The following RRP1 variants were observed in gnomAD, a reference collection of about 807,000 sequenced individuals.
RRP1 encodes the protein ribosomal RNA processing 1.
Under a neutral mutation model 54.6 loss-of-function variants are expected in RRP1, and 37 were observed. The ratio of observed to expected loss-of-function variants is 0.68; its 90% CI spans 0.52 to 0.89. The LOEUF (loss-of-function observed/expected upper bound fraction) is 0.89, where lower values mean the gene tolerates loss of function less well. Among genes scored for constraint, RRP1 ranks in the 40% least tolerant of loss-of-function variants. The pLI is 0.00. For missense variants in RRP1, 639 were observed against 612.5 expected (o/e 1.04, Z -0.46); for synonymous variants, 262 against 244.3 (o/e 1.07, Z -0.67).
At chr21:43,793,525 G>T in intron 4 of RRP1, 121 bp downstream of exon 4, 1 of 754,318 alleles carries the variant, frequency 1.3e-6, no homozygotes, top group Non-Finnish European at 2.2e-6. Flanking sequence ...TGAAGCCAGG[G>T]GTGGGAGGTG....
chr21:43,799,154 C>T (rs138547570), intron 8 of RRP1, among the ~76,000 whole-genome samples: 122 of 152,234 alleles, frequency 8.0e-4, no homozygotes, highest in Non-Finnish European at 1.5e-3. Flanking sequence ...AGCACCCAGC[C>T]GAAACATCAG....
At chr21:43,803,378 A>T in intron 12 of RRP1, 134 bp from the exon 13 acceptor site, 2 of 1,234,800 alleles carry the variant, frequency 1.6e-6, no homozygotes, top group Non-Finnish European at 2.2e-6. Flanking sequence ...TGGACACGGG[A>T]TGCGTCTGGC....
intron 11 of RRP1, 51 bp downstream of exon 11, chr21:43,800,932 C>T (rs758692824): frequency 2.4e-4 from 385 of 1,602,968 alleles, no homozygotes; most frequent in Non-Finnish European, 3.2e-4. Context: ...GGTGGAGCTC[C>T]ATCCTCGTGG....
rs1390230555 is a variant in RRP1 at position 43,804,081 on chromosome 21, T to G, written c.*307T>G. On this transcript the variant is annotated 3_prime_UTR_variant, in exon 13 of 13. Coordinates refer to ENST00000497547, the MANE Select transcript of RRP1 (RefSeq NM_003683.6). This position sits in a 1 kb window ranked among gnomAD's most constrained non-coding sequence, Gnocchi z 4.3. ...GCTGTGGGGGGTTCAGAAAATAAAA[T>G]GCCGCGCAGCCCTTGCCAGGGGAAG... The G allele has an allele frequency of 1.4e-5, 4 of 282,374 alleles. No homozygotes were observed. Among genetic ancestry groups the G allele is most frequent in the East Asian group, 5.5e-5 (1 of 18,180 alleles). The allele number at this position is 282,374 out of a possible 1,614,324, so 17.5% of individuals were successfully genotyped here.
chr21:43,802,504 C>T (rs764452635), intron 12 of RRP1, 117 bp downstream of exon 12: 6 of 781,338 alleles, frequency 7.7e-6, no homozygotes, highest in Non-Finnish European at 1.1e-5. Flanking sequence ...GTCCCCCATC[C>T]TGGGTGCCTG....
intron 4 of RRP1, among the ~76,000 whole-genome samples, chr21:43,793,913 C>T (rs925126357): frequency 2.6e-5 from 4 of 152,242 alleles, no homozygotes; most frequent in East Asian, 1.9e-4. Flanking sequence ...AGAGGTGCAG[C>T]GTGTTGCTGC....
intron 1 of RRP1, chr21:43,790,555 A>C (rs571009520): frequency 2.5e-4 from 40 of 162,266 alleles, no homozygotes; most frequent in Admixed American, 6.0e-4. Flanking sequence ...ACTTCAGTGA[A>C]TGTCAACTGA....
rs530856624 is a variant in RRP1, at chr21:43,793,277, C to T, written c.275-42C>T. 5.0e-5 allele frequency: 80 copies of T among 1,584,164 alleles called. No homozygotes were observed. The South Asian group carries it at 5.8e-4, about 11-fold the overall frequency. ...CTCACCTCCCTCCCCAGAGTGGCTT[C>T]GTGCTCCTCAGTGGTTCTCTTCTGG... On this transcript the variant is annotated intron_variant, in intron 3 of 12. Coordinates refer to ENST00000497547, the MANE Select transcript of RRP1 (RefSeq NM_003683.6).
rs114632703 is a variant in RRP1, at chr21:43,791,359, C to T, written c.143C>T (p.Thr48Met). The T allele has an allele frequency of 5.6e-4, 900 of 1,613,902 alleles. 3 individuals are homozygous for T. In the African/African-American group the frequency reaches 0.01, roughly 19 times the overall value. Reference sequence around the variant, plus strand: ...TGCTGTTTTGATGCAGGTGGTTTTACGCACGACGAGCTGCTGAAGGTGTGG... The same window carrying T: ...TGCTGTTTTGATGCAGGTGGTTTTATGCACGACGAGCTGCTGAAGGTGTGG... ...ARTQRAAGGF[T>M]HDELLKVWKG... The change falls in exon 2 of 13, where the codon ACG (threonine) becomes ATG (methionine). Residue 48 changes from threonine (T) to methionine (M), a missense_variant. By Grantham distance (81) the Thr-to-Met change is moderately conservative. Transcript: ENST00000497547.
At chr21:43,794,061 G>A (rs2084989259) in intron 4 of RRP1, among the ~76,000 whole-genome samples, 13 of 152,074 alleles carry the variant, frequency 8.5e-5, no homozygotes. Context: ...GTCACCCAAT[G>A]GGGACACTGA....
In RRP1 at chr21:43,800,995, G is replaced by T; in HGVS notation, c.1009+114G>T. 3.5e-6 allele frequency: 4 copies of T among 1,151,904 alleles called. 1 individual carries two copies. The South Asian group carries it at 4.9e-5, about 14-fold the overall frequency. The allele number at this position is 1,151,904 out of a possible 1,614,324, so 71.4% of individuals were successfully genotyped here. A position where few individuals can be genotyped will look rare whatever the true frequency, so the allele number is the denominator to read the frequency against. On this transcript the variant is annotated intron_variant, in intron 11 of 12. Transcript: ENST00000497547. Reference sequence around the variant, plus strand: ...GCACGTGGAGTCTCTTTGCAGAGAGGCCTGGTGGTGTTTCTGAGGGACAGG... The same window carrying T: ...GCACGTGGAGTCTCTTTGCAGAGAGTCCTGGTGGTGTTTCTGAGGGACAGG...
intron 4 of RRP1, 156 bp downstream of exon 4, chr21:43,793,560 G>A: frequency 1.6e-6 from 1 of 625,216 alleles, no homozygotes; most frequent in Admixed American, 2.8e-5. Context: ...GGCGGTCCCT[G>A]ACCAGGGCTC....
Position 43,791,351 on chromosome 21 carries a change from T to G in RRP1, c.135T>G (p.Gly45=), listed in dbSNP as rs1478785482. The part of the protein sequence containing the change: ...YIVARTQRAA[G]GFTHDELLKV... ...CCAACCGTTGCTGTTTTGATGCAGG[T>G]GGTTTTACGCACGACGAGCTGCTGA... The change falls in exon 2 of 13, where the codon GGT becomes GGG. Residue 45 remains glycine, a splice_region_variant and synonymous_variant. Coordinates refer to ENST00000497547, the MANE Select transcript of RRP1 (RefSeq NM_003683.6). 4 of 1,613,830 alleles carry G rather than the reference T, an allele frequency of 2.5e-6. No individual in the cohort carries two copies. In the East Asian group the frequency reaches 8.9e-5, roughly 36 times the overall value.
chr21:43,799,434 G>C, intron 8 of RRP1, 136 bp from the exon 9 acceptor site: 1 of 807,156 alleles, frequency 1.2e-6, no homozygotes, highest in East Asian at 2.7e-5. Context: ...TGCAGGGTGG[G>C]CTGTCCGTTC....
chr21:43,796,704 C>T lies in RRP1; in HGVS notation c.423-718C>T, dbSNP rs3819610. Among the ~76,000 whole-genome samples the T allele has an allele frequency of 8.7e-4, 132 of 152,328 alleles. 1 individual carries two copies. The East Asian group carries it at 0.016, about 18-fold the overall frequency. ...AGAGCATCACTTTTCCTTTCCATCACGAGTGATTCTCCAGCCTTGCTACGG... is the reference window on the plus strand; with the variant it reads ...AGAGCATCACTTTTCCTTTCCATCATGAGTGATTCTCCAGCCTTGCTACGG... On this transcript the variant is annotated intron_variant, in intron 5 of 12. Coordinates refer to ENST00000497547, the MANE Select transcript of RRP1 (RefSeq NM_003683.6).
In RRP1 at chr21:43,793,552, CG is replaced by C. The variant is rs1369450994; in HGVS notation, c.360+150del. The C allele has an allele frequency of 1.7e-5, 11 of 640,906 alleles. No homozygotes were observed. The Admixed American group carries it at 2.1e-4, about 12-fold the overall frequency. The allele number at this position is 640,906 out of a possible 1,614,324, so 39.7% of individuals were successfully genotyped here. On this transcript the variant is annotated intron_variant, in intron 4 of 12. Coordinates refer to ENST00000497547, the MANE Select transcript of RRP1 (RefSeq NM_003683.6). ...TGGGAGGTGGAGCCGAGACTCTGGG[CG>C]GTCCCTGACCAGGGCTCTGCAGCTT...
At chr21:43,791,472 G>C in intron 2 of RRP1, 40 bp downstream of exon 2, 2 of 1,581,678 alleles carry the variant, frequency 1.3e-6, no homozygotes, top group Non-Finnish European at 1.7e-6. Context: ...AGAAGCAGCG[G>C]GGGAGGATGG....
At chr21:43,793,069 C>G in intron 3 of RRP1, 1 of 556,448 alleles carries the variant, frequency 1.8e-6, no homozygotes, top group Non-Finnish European at 3.2e-6. Context: ...TTTTCTGACT[C>G]CTCTGTTCTC....
chr21:43,793,088 G>A lies in RRP1; in HGVS notation c.275-231G>A, dbSNP rs1163475313. On this transcript the variant is annotated intron_variant, in intron 3 of 12. Coordinates refer to ENST00000497547, the MANE Select transcript of RRP1 (RefSeq NM_003683.6). ...CTGACTCCTCTGTTCTCTGGTGACC[G>A]GAGTTGAGAAGTTCTTACCCTGCCT... 4.4e-5 allele frequency: 25 copies of A among 562,224 alleles called. No homozygotes were observed. The East Asian group carries it at 5.1e-4, about 12-fold the overall frequency. 34.8% of individuals were successfully genotyped at this position (562,224 alleles called of 1,614,324 possible).
Sources: gnomAD v4.1 joint callset for allele counts (sites outside exome capture counted in the v4.1 genomes callset) on GRCh38, gnomAD v4.1.1 for gene constraint, Gnocchi (gnomAD v3.1) non-coding constraint, MANE v1.5 for transcripts, NCBI Gene and HGNC (gene_info 2026-07-23, HGNC 2026-07-21) for gene names.